Variants in SYT1 observed in about 807,000 individuals in gnomAD.
SYT1 encodes synaptotagmin 1.
SYT1 carries 8 observed loss-of-function variants against 44.8 expected under a neutral mutation model. That is an observed-to-expected ratio of 0.18 (90% CI 0.10 to 0.32). SYT1 has a LOEUF of 0.32. Among genes scored for constraint, SYT1 ranks in the 10% least tolerant of loss-of-function variants. SYT1 has a pLI of 1.00. For missense variants in SYT1, 286 were observed against 509.3 expected (o/e 0.56, Z 4.22); for synonymous variants, 154 against 188.8 (o/e 0.82, Z 1.51).
intron 3 of SYT1, among the ~76,000 whole-genome samples, chr12:79,136,590 TA>T (rs1869205894): frequency 6.6e-6 from 1 of 152,322 alleles, no homozygotes; most frequent in South Asian, 2.1e-4. Flanking sequence ...TATAATACTC[TA>T]ATAACGACAT....
At chr12:78,989,210 C>T (rs777335469) in intron 2 of SYT1, among the ~76,000 whole-genome samples, 1 of 151,870 alleles carries the variant, frequency 6.6e-6, no homozygotes, top group Non-Finnish European at 1.5e-5. Flanking sequence ...CTAAGAGAAG[C>T]CAGTTAGGCA....
intron 3 of SYT1, among the ~76,000 whole-genome samples, chr12:79,047,962 G>A (rs1167502882): frequency 6.6e-6 from 1 of 151,752 alleles, no homozygotes; most frequent in African/African-American, 2.4e-5. Flanking sequence ...AGTACATGTT[G>A]ATGTCAATCT....
intron 2 of SYT1, among the ~76,000 whole-genome samples, chr12:78,983,386 T>C (rs1045704108): frequency 6.6e-6 from 1 of 152,068 alleles, no homozygotes; most frequent in African/African-American, 2.4e-5. Context: ...TATCATGAGA[T>C]TTTTCTTAAT....
intron 4 of SYT1, among the ~76,000 whole-genome samples, chr12:79,278,629 C>T (rs1168151084): frequency 6.6e-6 from 1 of 151,736 alleles, no homozygotes; most frequent in Non-Finnish European, 1.5e-5. Context: ...ACAAACCAAA[C>T]CCAAACCTAG....
chr12:79,343,509 G>A (rs959411936), intron 8 of SYT1, among the ~76,000 whole-genome samples: 6 of 152,148 alleles, frequency 3.9e-5, no homozygotes, highest in African/African-American at 1.4e-4. Flanking sequence ...AAAGTACATT[G>A]CCTGAGGCTT....
chr12:78,983,023 A>G (rs1276566648), intron 2 of SYT1, among the ~76,000 whole-genome samples: 1 of 151,834 alleles, frequency 6.6e-6, no homozygotes, highest in Non-Finnish European at 1.5e-5. Context: ...AAATAATAAG[A>G]CCCACCAAAA....
chr12:79,114,419 C>G (rs1374343577), intron 3 of SYT1, among the ~76,000 whole-genome samples: 1 of 152,112 alleles, frequency 6.6e-6, no homozygotes, highest in South Asian at 2.1e-4. Context: ...ACAAGCTTTA[C>G]CTTTGGCTCT....
chr12:79,332,872 G>A lies in SYT1; in HGVS notation c.811-20630G>A, dbSNP rs117540250. ...CTATACCCCAAAATGGAATTAAATG[G>A]ACTGTGCATGAAAAAGATTTTGTTT... is the stretch of plus-strand genomic sequence containing the variant. On this transcript the variant is annotated intron_variant, in intron 8 of 10. Transcript: ENST00000261205. 1.3e-3 allele frequency among the ~76,000 whole-genome samples: 199 copies of A among 152,196 alleles called. 4 individuals carry two copies. In the East Asian group the frequency reaches 0.03, roughly 23 times the overall value.
At chr12:79,244,468 G>C (rs936811354) in intron 4 of SYT1, among the ~76,000 whole-genome samples, 3 of 152,146 alleles carry the variant, frequency 2.0e-5, no homozygotes, top group Admixed American at 1.3e-4. Context: ...CACTTTGGGA[G>C]GCCAAGGTGG....
intron 4 of SYT1, among the ~76,000 whole-genome samples, chr12:79,277,266 T>G (rs548342070): frequency 1.3e-5 from 2 of 152,094 alleles, no homozygotes; most frequent in Admixed American, 6.6e-5. Context: ...AAATAACATA[T>G]AAAGGAAATC....
At chr12:79,253,988 A>G (rs956109578) in intron 4 of SYT1, among the ~76,000 whole-genome samples, 5 of 152,182 alleles carry the variant, frequency 3.3e-5, no homozygotes, top group Non-Finnish European at 2.9e-5. Flanking sequence ...AGTTTAAGGA[A>G]AGAAGTTGCC....
chr12:79,384,362 A>G (rs1884343362), intron 9 of SYT1, among the ~76,000 whole-genome samples: 1 of 152,214 alleles, frequency 6.6e-6, no homozygotes, highest in Admixed American at 6.5e-5. Flanking sequence ...AGAATCTTTC[A>G]TATATATAAT....
At chr12:78,913,220 AT>A (rs1876444001) in intron 1 of SYT1, among the ~76,000 whole-genome samples, 1 of 150,696 alleles carries the variant, frequency 6.6e-6, no homozygotes, top group Non-Finnish European at 1.5e-5. Flanking sequence ...TTTCAAAATA[AT>A]TTTTAAGCAT....
At chr12:79,026,099 A>G (rs1872513242) in intron 2 of SYT1, among the ~76,000 whole-genome samples, 1 of 151,720 alleles carries the variant, frequency 6.6e-6, no homozygotes, top group South Asian at 2.1e-4. Context: ...TTTGAATTTT[A>G]TATAATTTTT....
intron 9 of SYT1, among the ~76,000 whole-genome samples, chr12:79,356,397 C>T (rs899897450): frequency 6.6e-6 from 1 of 152,054 alleles, no homozygotes; most frequent in Non-Finnish European, 1.5e-5. Context: ...ACAATGCTCT[C>T]AGTGATGGGT....
intron 3 of SYT1, among the ~76,000 whole-genome samples, chr12:79,213,682 T>C (rs1479407541): frequency 6.6e-6 from 1 of 152,198 alleles, no homozygotes; most frequent in Admixed American, 6.5e-5. Flanking sequence ...CCCAGCACTT[T>C]GGGAGGCCGA....
chr12:79,426,995 C>T (rs937339103), intron 9 of SYT1, among the ~76,000 whole-genome samples: 2 of 152,170 alleles, frequency 1.3e-5, no homozygotes, highest in African/African-American at 2.4e-5. Flanking sequence ...TGAAGAAGGA[C>T]GTATTTGCTT....
intron 4 of SYT1, among the ~76,000 whole-genome samples, chr12:79,239,356 T>G (rs1876367437): frequency 6.6e-6 from 1 of 152,180 alleles, no homozygotes; most frequent in Non-Finnish European, 1.5e-5. Flanking sequence ...TCTGAGAAAC[T>G]GTCACAACCA....
intron 3 of SYT1, among the ~76,000 whole-genome samples, chr12:79,206,323 A>G (rs927546332): frequency 1.2e-4 from 19 of 152,258 alleles, no homozygotes; most frequent in African/African-American, 4.3e-4. Context: ...TTGATGGTAA[A>G]GCCAATATTA....
Sources: gnomAD v4.1 joint callset for allele counts (sites outside exome capture counted in the v4.1 genomes callset) on GRCh38, gnomAD v4.1.1 for gene constraint, MANE v1.5 for transcripts, NCBI Gene and HGNC (gene_info 2026-07-23, HGNC 2026-07-21) for gene names.